MPHOSPH6: variants seen among roughly 807,000 people sequenced by gnomAD.
MPHOSPH6 encodes the protein M-phase phosphoprotein 6.
A neutral mutation model predicts 21.8 loss-of-function variants in MPHOSPH6; 25 were observed. The ratio of observed to expected loss-of-function variants is 1.15; its 90% CI spans 0.83 to 1.60. The LOEUF is 1.60. Among genes scored for constraint, MPHOSPH6 ranks in the 40% most tolerant of loss-of-function variants. The pLI, the probability that MPHOSPH6 is intolerant of heterozygous loss-of-function variation, is 0.00. For synonymous variants in MPHOSPH6, 84 were observed against 56.5 expected (o/e 1.49, Z -2.18); for missense variants, 269 against 181.8 (o/e 1.48, Z -2.76).
chr16:82,153,046 G>C (rs535783830), intron 2 of MPHOSPH6, among the ~76,000 whole-genome samples: 1 of 152,018 alleles, frequency 6.6e-6, no homozygotes, highest in Admixed American at 6.6e-5. Context: ...AGAACTGCTC[G>C]CATCCCAGAA....
At chr16:82,166,221 T>A (rs1261444171) in intron 1 of MPHOSPH6, among the ~76,000 whole-genome samples, 1 of 152,216 alleles carries the variant, frequency 6.6e-6, no homozygotes, top group Non-Finnish European at 1.5e-5. Context: ...TATCACTATT[T>A]TAAGTAAAAA....
intron 2 of MPHOSPH6, among the ~76,000 whole-genome samples, chr16:82,159,927 T>G (rs1906554421): frequency 1.3e-5 from 2 of 152,108 alleles, no homozygotes; most frequent in Non-Finnish European, 2.9e-5. Flanking sequence ...CCAATCTTAT[T>G]CCTTATAGAG....
chr16:82,158,552 C>T (rs1906506449), intron 2 of MPHOSPH6, among the ~76,000 whole-genome samples: 1 of 146,978 alleles, frequency 6.8e-6, no homozygotes, highest in South Asian at 2.2e-4. Context: ...AATAATCTAA[C>T]TGCACTTGTG....
At chr16:82,161,314 C>G (rs972117868) in intron 2 of MPHOSPH6, among the ~76,000 whole-genome samples, 1 of 152,154 alleles carries the variant, frequency 6.6e-6, no homozygotes, top group Non-Finnish European at 1.5e-5. Flanking sequence ...CTATCTTCCA[C>G]CAGCATCAGT....
rs543784204 is a variant in MPHOSPH6 at position 82,169,465 on chromosome 16, G to A, written c.51+660C>T. Among the ~76,000 whole-genome samples the A allele has an allele frequency of 9.9e-5, 15 of 152,270 alleles. No individual in the cohort carries two copies. The South Asian group carries it at 2.7e-3, about 27-fold the overall frequency. ...GAGTTCTGCCAGCAGACTGTCTTTG[G>A]ACTTGGACTGAGTACTTCTCTGGGT... On this transcript the variant is annotated intron_variant, in intron 1 of 4. Transcript: ENST00000258169.
At chr16:82,152,167 G>T (rs1291357969) in intron 2 of MPHOSPH6, among the ~76,000 whole-genome samples, 1 of 152,048 alleles carries the variant, frequency 6.6e-6, no homozygotes, top group Non-Finnish European at 1.5e-5. Flanking sequence ...GTTGATTCTT[G>T]AACACAGGTC....
intron 4 of MPHOSPH6, 51 bp downstream of exon 4, chr16:82,149,258 A>G: frequency 6.5e-7 from 1 of 1,549,106 alleles, no homozygotes; most frequent in Non-Finnish European, 8.9e-7. Flanking sequence ...TTCCTGGGAG[A>G]GCCAATGAAT....
chr16:82,169,231 C>T (rs543834850), intron 1 of MPHOSPH6, among the ~76,000 whole-genome samples: 1 of 152,194 alleles, frequency 6.6e-6, no homozygotes, highest in Admixed American at 6.5e-5. Context: ...TGACCATTGC[C>T]TACTCTGCAA....
chr16:82,152,640 T>A (rs1381632423), intron 2 of MPHOSPH6, among the ~76,000 whole-genome samples: 1 of 152,076 alleles, frequency 6.6e-6, no homozygotes, highest in Non-Finnish European at 1.5e-5. Context: ...TGCTAGAGAA[T>A]GACCCTAGGA....
chr16:82,165,144 T>TTTTTTTTTTTTTTTTTTTTTTTTTTTTG (rs1555540871), intron 1 of MPHOSPH6, among the ~76,000 whole-genome samples: 2 of 108,626 alleles, frequency 1.8e-5, no homozygotes, highest in Non-Finnish European at 3.7e-5. Context: ...TTTTTTTTTT[T>TTTTTTTTTTTTTTTTTTTTTTTTTTTTG]TGAGACAGAG....
chr16:82,162,507 C>T (rs980286215), intron 2 of MPHOSPH6, among the ~76,000 whole-genome samples: 2 of 152,172 alleles, frequency 1.3e-5, no homozygotes, highest in Admixed American at 6.5e-5. Flanking sequence ...TTGGGCTGGC[C>T]GTACCCGTGA....
chr16:82,165,107 G>A (rs2967353), intron 1 of MPHOSPH6, among the ~76,000 whole-genome samples: 3,099 of 123,388 alleles, frequency 0.025, 172 homozygotes, highest in African/African-American at 0.095. Context: ...ATTCAGGTCC[G>A]ATATTTCTTT....
chr16:82,151,247 A>G lies in MPHOSPH6; in HGVS notation c.255+177T>C, dbSNP rs116713547. On this transcript the variant is annotated intron_variant, in intron 3 of 4. Transcript: ENST00000258169. ...GAAATTATCTACTCACCTCTACCATAAAACTAGACTGCAATGCCTCCAATT... is the reference window on the plus strand; with the variant it reads ...GAAATTATCTACTCACCTCTACCATGAAACTAGACTGCAATGCCTCCAATT... The G allele has an allele frequency of 1.2e-3, 979 of 829,458 alleles. 9 individuals carry two copies. In the African/African-American group the frequency reaches 0.016, roughly 13 times the overall value. The allele number at this position is 829,458 out of a possible 1,614,324, so 51.4% of individuals were successfully genotyped here. A position where few individuals can be genotyped will look rare whatever the true frequency, so the allele number is the denominator to read the frequency against.
At chr16:82,158,254 C>T (rs906231644) in intron 2 of MPHOSPH6, among the ~76,000 whole-genome samples, 7 of 150,522 alleles carry the variant, frequency 4.7e-5, no homozygotes, top group South Asian at 2.1e-4. Context: ...TTTGGGAGGC[C>T]GAAGCAGGAG....
intron 2 of MPHOSPH6, among the ~76,000 whole-genome samples, chr16:82,157,467 T>C (rs1567613553): frequency 6.6e-6 from 1 of 152,212 alleles, no homozygotes; most frequent in Non-Finnish European, 1.5e-5. Context: ...AGAACAGTGC[T>C]TGCATCAGAG....
intron 1 of MPHOSPH6, chr16:82,165,003 CT>C (rs1223544785): frequency 6.6e-6 from 1 of 151,936 alleles, no homozygotes; most frequent in African/African-American, 2.4e-5. Context: ...AATATCAACA[CT>C]GGAGAAAATA....
Position 82,148,679 on chromosome 16 carries a change from G to A in MPHOSPH6, c.*52C>T. The A allele has an allele frequency of 1.3e-6, 2 of 1,598,352 alleles. No individual in the cohort carries two copies. The highest frequency in any genetic ancestry group is 1.3e-5 in the African/African-American group (1 of 74,528). ...GACACCATTGGGATGAGCTCCAGAT[G>A]CCCTGCTGACTTCCACCAAGCACCC... On this transcript the variant is annotated 3_prime_UTR_variant, in exon 5 of 5. Transcript: ENST00000258169.
chr16:82,161,033 C>G (rs1373007757), intron 2 of MPHOSPH6, among the ~76,000 whole-genome samples: 1 of 152,178 alleles, frequency 6.6e-6, no homozygotes, highest in South Asian at 2.1e-4. Flanking sequence ...TGGCTTATTA[C>G]TCTTCGTTCA....
In MPHOSPH6 at chr16:82,151,959, T is replaced by A. The variant is rs567420563; in HGVS notation, c.165-445A>T. On this transcript the variant is annotated intron_variant, in intron 2 of 4. Coordinates refer to ENST00000258169, the MANE Select transcript of MPHOSPH6 (RefSeq NM_005792.2). Reference sequence around the variant, plus strand: ...AATCATTTTAATAAAGTTTCTGGCATATTTTGTCTTTCGTTCTCAGGGATT... The same window carrying A: ...AATCATTTTAATAAAGTTTCTGGCAAATTTTGTCTTTCGTTCTCAGGGATT... Among the ~76,000 whole-genome samples the A allele has an allele frequency of 2.0e-5, 3 of 152,332 alleles. 1 individual carries two copies. The South Asian group carries it at 6.2e-4, about 32-fold the overall frequency.
Sources: gnomAD v4.1 joint callset for allele counts (sites outside exome capture counted in the v4.1 genomes callset) on GRCh38, gnomAD v4.1.1 for gene constraint, MANE v1.5 for transcripts, NCBI Gene and HGNC (gene_info 2026-07-23, HGNC 2026-07-21) for gene names.